The following ADGRB3 variants were observed in gnomAD, a reference collection of about 807,000 sequenced individuals.
ADGRB3 encodes brain-specific angiogenesis inhibitor 3.
In ADGRB3, 37 loss-of-function variants were observed where a neutral mutation model predicts 193.4. The observed-to-expected ratio is 0.19, with a 90% CI of 0.15 to 0.25. The LOEUF is 0.25. Among genes scored for constraint, ADGRB3 ranks in the 10% least tolerant of loss-of-function variants. The pLI, the probability that ADGRB3 is intolerant of heterozygous loss-of-function variation, is 1.00. For missense variants in ADGRB3, 1,637 were observed against 1,852.9 expected (o/e 0.88, Z 2.14); for synonymous variants, 690 against 644.2 (o/e 1.07, Z -1.08).
At chr6:69,152,615 A>G (rs314213) in intron 17 of ADGRB3, among the ~76,000 whole-genome samples, 1 of 152,112 alleles carries the variant, frequency 6.6e-6, no homozygotes, top group Non-Finnish European at 1.5e-5. Context: ...TGTTGGCTAC[A>G]CAATTTTTAA....
In ADGRB3 at chr6:69,031,046, CTT is replaced by C. The variant is rs1562128867; in HGVS notation, c.2107+12548_2107+12549del. Among the ~76,000 whole-genome samples the C allele has an allele frequency of 3.0e-4, 6 of 20,014 alleles. 1 individual carries two copies. Among genetic ancestry groups the C allele is most frequent in the Non-Finnish European group, 5.4e-4 (6 of 11,134 alleles). 13.1% of individuals were successfully genotyped at this position (20,014 alleles called of 152,430 possible). A position where few individuals can be genotyped will look rare whatever the true frequency, so the allele number is the denominator to read the frequency against. Reference sequence around the variant, plus strand: ...TTTTTCCTCTTCTCTTCTCTCTTCTCTTCTCTTCTCTTCTCTTCTCTTCTCTT... The same window carrying C: ...TTTTTCCTCTTCTCTTCTCTCTTCTCCTCTTCTCTTCTCTTCTCTTCTCTT... On this transcript the variant is annotated intron_variant, in intron 13 of 31. Transcript: ENST00000370598.
At chr6:69,067,004 GA>G (rs1201784470) in intron 16 of ADGRB3, among the ~76,000 whole-genome samples, 1 of 152,016 alleles carries the variant, frequency 6.6e-6, no homozygotes, top group African/African-American at 2.4e-5. Context: ...TGAGTCAGAA[GA>G]AAAAGAAGGT....
chr6:68,862,906 TC>T (rs1178248802), intron 3 of ADGRB3, among the ~76,000 whole-genome samples: 1 of 152,124 alleles, frequency 6.6e-6, no homozygotes, highest in Non-Finnish European at 1.5e-5. Flanking sequence ...TTCTTTCCCT[TC>T]CCCTTCCAAT....
At chr6:69,149,891 T>G (rs1212871781) in intron 17 of ADGRB3, among the ~76,000 whole-genome samples, 1 of 151,208 alleles carries the variant, frequency 6.6e-6, no homozygotes. Context: ...CCAAACAGAG[T>G]CTCTCTCTTT....
At chr6:68,802,537 A>C (rs1251200288) in intron 3 of ADGRB3, among the ~76,000 whole-genome samples, 1 of 152,154 alleles carries the variant, frequency 6.6e-6, no homozygotes, top group African/African-American at 2.4e-5. Context: ...TTAATTTCTG[A>C]ATATTCATGA....
At chr6:68,818,698 G>A (rs984746815) in intron 3 of ADGRB3, among the ~76,000 whole-genome samples, 4 of 151,978 alleles carry the variant, frequency 2.6e-5, no homozygotes, top group Non-Finnish European at 5.9e-5. Flanking sequence ...ATTATGTACA[G>A]TTCCAAAATG....
chr6:69,066,148 T>G (rs578158310), intron 16 of ADGRB3, among the ~76,000 whole-genome samples: 1 of 151,282 alleles, frequency 6.6e-6, no homozygotes, highest in Admixed American at 6.6e-5. Flanking sequence ...TCCCCCCACC[T>G]CCAACCTTCA....
intron 3 of ADGRB3, among the ~76,000 whole-genome samples, chr6:68,775,230 G>C (rs1297204806): frequency 6.6e-6 from 1 of 151,726 alleles, no homozygotes; most frequent in Non-Finnish European, 1.5e-5. Flanking sequence ...GTGGCTCCTG[G>C]CATGGGAGGA....
At chr6:69,251,184 C>T (rs1399641905) in intron 20 of ADGRB3, among the ~76,000 whole-genome samples, 1 of 152,200 alleles carries the variant, frequency 6.6e-6, no homozygotes, top group Admixed American at 6.5e-5. Context: ...TCTCTGCCTC[C>T]TAACTTTTTT....
chr6:69,195,108 T>C (rs1048777797), intron 17 of ADGRB3, among the ~76,000 whole-genome samples: 11 of 152,136 alleles, frequency 7.2e-5, no homozygotes, highest in African/African-American at 2.7e-4. Flanking sequence ...GACAAGCTAC[T>C]TCACTTATCC....
intron 3 of ADGRB3, among the ~76,000 whole-genome samples, chr6:68,868,326 T>G (rs1360990694): frequency 3.3e-5 from 5 of 152,180 alleles, no homozygotes; most frequent in Non-Finnish European, 1.5e-5. Flanking sequence ...TTTCTTCCCA[T>G]TCACCTTCCG....
intron 17 of ADGRB3, among the ~76,000 whole-genome samples, chr6:69,157,231 G>T (rs1005626889): frequency 6.6e-6 from 1 of 152,112 alleles, no homozygotes; most frequent in Non-Finnish European, 1.5e-5. Context: ...GCAGTACCAG[G>T]TAATTACTGT....
intron 14 of ADGRB3, among the ~76,000 whole-genome samples, chr6:69,048,933 G>C (rs372851308): frequency 6.6e-6 from 1 of 151,894 alleles, no homozygotes; most frequent in Non-Finnish European, 1.5e-5. Context: ...AAGTGACATC[G>C]TACTCACTTT....
intron 3 of ADGRB3, among the ~76,000 whole-genome samples, chr6:68,764,433 T>A (rs948132382): frequency 1.3e-5 from 2 of 152,120 alleles, no homozygotes; most frequent in Non-Finnish European, 1.5e-5. Context: ...CAAAATCCAC[T>A]CAGCAAAAGA....
At chr6:69,109,683 C>T (rs1211155023) in intron 17 of ADGRB3, among the ~76,000 whole-genome samples, 2 of 147,694 alleles carry the variant, frequency 1.4e-5, no homozygotes, top group East Asian at 1.9e-4. Context: ...AGCCTCTATT[C>T]TAACCCTCTA....
Position 69,349,152 on chromosome 6 carries a change from C to A in ADGRB3, c.3460-5081C>A, listed in dbSNP as rs193022781. On this transcript the variant is annotated intron_variant, in intron 26 of 31. Transcript: ENST00000370598. Reference sequence around the variant, plus strand: ...ATGGCATGAGGCTGAAATGAAATATCACCTGAGAAGGCATGGGATCCTGGT... The same window carrying A: ...ATGGCATGAGGCTGAAATGAAATATAACCTGAGAAGGCATGGGATCCTGGT... Among the ~76,000 whole-genome samples, 55 of 152,344 alleles carry A rather than the reference C, an allele frequency of 3.6e-4. No homozygotes were observed. The East Asian group carries it at 7.1e-3, about 20-fold the overall frequency.
At chr6:69,207,327 T>C (rs1765560713) in intron 17 of ADGRB3, among the ~76,000 whole-genome samples, 1 of 152,180 alleles carries the variant, frequency 6.6e-6, no homozygotes, top group Non-Finnish European at 1.5e-5. Context: ...CACTCAAAAC[T>C]GGCAGCCTTT....
intron 3 of ADGRB3, among the ~76,000 whole-genome samples, chr6:68,896,388 A>T (rs923810098): frequency 3.3e-5 from 5 of 152,142 alleles, no homozygotes; most frequent in African/African-American, 1.2e-4. Context: ...TCTACTCAAT[A>T]TAAGACTATT....
chr6:68,930,607 C>T lies in ADGRB3; in HGVS notation c.806C>T (p.Ser269Phe), dbSNP rs971919185. The change falls in exon 4 of 32, where the codon TCT (serine) becomes TTT (phenylalanine). Residue 269 changes from serine (S) to phenylalanine (F), a missense_variant. Around this residue, in one of 7 missense-constraint regions of ADGRB3, gnomAD observed 365 missense variants for 409.8 expected, o/e 0.89. Coordinates refer to ENST00000370598, the MANE Select transcript of ADGRB3 (RefSeq NM_001704.3). The part of the protein sequence containing the change: ...DHTIKSQRPR[S>F]VHEKRVPQEQ... ...ACAATTAAAAGTCAGCGACCTCGAT[C>T]TGTTCATGAAAAAAGGGTCCCTCAG... 1.9e-6 allele frequency: 3 copies of T among 1,612,792 alleles called. No homozygotes were observed. Among genetic ancestry groups the T allele is most frequent in the Non-Finnish European group, 2.5e-6 (3 of 1,179,338 alleles).
Sources: allele counts gnomAD v4.1 joint callset (sites outside exome capture counted in the v4.1 genomes callset), GRCh38; gene constraint gnomAD v4.1.1; regional missense constraint gnomAD v4.1.1; transcripts MANE v1.5; gene names NCBI Gene and HGNC (gene_info 2026-07-23, HGNC 2026-07-21).